The following PRKCB variants were observed in gnomAD, a reference collection of about 807,000 sequenced individuals.
PRKCB encodes protein kinase C beta type.
A neutral mutation model predicts 81.5 loss-of-function variants in PRKCB; 13 were observed. That is an observed-to-expected ratio of 0.16 (90% CI 0.10 to 0.25). PRKCB has a LOEUF of 0.25. Ranked by LOEUF, PRKCB falls within the 10% of genes least tolerant of loss-of-function variation. The pLI is 1.00. For synonymous variants in PRKCB, 335 were observed against 321.4 expected (o/e 1.04, Z -0.45); for missense variants, 509 against 875.7 (o/e 0.58, Z 5.29).
Position 24,021,075 on chromosome 16 carries a change from CTTT to C in PRKCB, c.289-11060_289-11058del, listed in dbSNP as rs1567346876. ...CTTTCTTTCCCTCCCTCCCTCCCTT[CTTT>C]CTTTCTTTCTTTTTTTCTTTCTTTC... On this transcript the variant is annotated intron_variant, in intron 3 of 16. Transcript: ENST00000643927. Among the ~76,000 whole-genome samples the C allele has an allele frequency of 3.3e-3, 407 of 122,064 alleles. 11 individuals carry two copies. Among genetic ancestry groups the C allele is most frequent in the Non-Finnish European group, 5.0e-3 (282 of 56,118 alleles). The allele number at this position is 122,064 out of a possible 152,430, so 80.1% of individuals were successfully genotyped here. A position where few individuals can be genotyped will look rare whatever the true frequency, so the allele number is the denominator to read the frequency against.
rs1965359619 is a variant in PRKCB, at chr16:24,021,008, C to CTTTCTTTCTT, written c.289-11126_289-11117dup. 5.0e-5 allele frequency among the ~76,000 whole-genome samples: 7 copies of CTTTCTTTCTT among 141,374 alleles called. No individual in the cohort carries two copies. The South Asian group carries it at 9.3e-4, about 19-fold the overall frequency. 92.7% of individuals were successfully genotyped at this position (141,374 alleles called of 152,430 possible). On this transcript the variant is annotated intron_variant, in intron 3 of 16. Coordinates refer to ENST00000643927, the MANE Select transcript of PRKCB (RefSeq NM_002738.7). ...TCTTTCTTTCTTTCTTTCTTTCTTT[C>CTTTCTTTCTT]TTTCTTTCTTTCTTTCTTTCTTTCT...
chr16:24,093,284 A>C lies in PRKCB; in HGVS notation c.686+337A>C, dbSNP rs143073083. 1.5e-4 allele frequency among the ~76,000 whole-genome samples: 23 copies of C among 152,196 alleles called. 1 individual carries two copies. In the East Asian group the frequency reaches 4.4e-3, roughly 29 times the overall value. On this transcript the variant is annotated intron_variant, in intron 6 of 16. Transcript: ENST00000643927. The stretch of plus-strand genomic sequence containing the variant: ...GGGGCTCAGCAAATAGGGGAACATA[A>C]CCTACAGGGTGTGGTGACAGCCTCT...
rs940798739 is a variant in PRKCB, at chr16:24,031,954, C to T, written c.289-182C>T. On this transcript the variant is annotated intron_variant, in intron 3 of 16. Coordinates refer to ENST00000643927, the MANE Select transcript of PRKCB (RefSeq NM_002738.7). ...CATCTGTCTTTGTCCTTCATTCCTT[C>T]CACAACTATTTATCCAGCACCGTTT... 7.7e-6 allele frequency: 4 copies of T among 521,982 alleles called. No homozygotes were observed. In the African/African-American group the frequency reaches 7.8e-5, roughly 10 times the overall value. The allele number at this position is 521,982 out of a possible 1,614,324, so 32.3% of individuals were successfully genotyped here. A position where few individuals can be genotyped will look rare whatever the true frequency, so the allele number is the denominator to read the frequency against.
At chr16:23,976,329 A>C (rs1252915831) in intron 2 of PRKCB, among the ~76,000 whole-genome samples, 1 of 151,966 alleles carries the variant, frequency 6.6e-6, no homozygotes, top group Non-Finnish European at 1.5e-5. Flanking sequence ...CCCCCCAAAA[A>C]CGGATGGCAG....
intron 10 of PRKCB, among the ~76,000 whole-genome samples, chr16:24,166,087 A>C (rs2141961541): frequency 6.6e-6 from 1 of 151,878 alleles, no homozygotes; most frequent in East Asian, 1.9e-4. Flanking sequence ...GGGTTTCTCC[A>C]TGTTGGCCAG....
chr16:24,133,817 G>A (rs1034564412), intron 9 of PRKCB, among the ~76,000 whole-genome samples: 3 of 152,250 alleles, frequency 2.0e-5, no homozygotes, highest in Admixed American at 6.5e-5. Context: ...GACCTTGAAA[G>A]CTGGTTTTGT....
intron 15 of PRKCB, among the ~76,000 whole-genome samples, chr16:24,189,161 A>C (rs1967749846): frequency 6.6e-6 from 1 of 152,172 alleles, no homozygotes; most frequent in Non-Finnish European, 1.5e-5. Context: ...TAAAAGCCCA[A>C]GTTTTAGAGC....
intron 7 of PRKCB, among the ~76,000 whole-genome samples, chr16:24,108,963 G>C (rs1480759296): frequency 1.9e-4 from 21 of 108,532 alleles, no homozygotes; most frequent in African/African-American, 8.4e-4. Flanking sequence ...CCGGATGGGG[G>C]GGCTGGCCGG....
chr16:23,954,507 G>A (rs1241908088), intron 2 of PRKCB, among the ~76,000 whole-genome samples: 6 of 152,208 alleles, frequency 3.9e-5, no homozygotes, highest in Non-Finnish European at 5.9e-5. Flanking sequence ...TGAGCTTACT[G>A]GCTCCATTTA....
intron 5 of PRKCB, among the ~76,000 whole-genome samples, chr16:24,050,304 T>G (rs965063450): frequency 1.3e-5 from 2 of 152,160 alleles, no homozygotes; most frequent in Non-Finnish European, 2.9e-5. Context: ...CCGGAACTCT[T>G]CCTAGACAAC....
Position 24,216,924 on chromosome 16 carries a change from C to T in PRKCB, c.*2108C>T, listed in dbSNP as rs558621953. 1.0e-6 allele frequency: 1 copy of T among 985,434 alleles called. No homozygotes were observed. The highest frequency in any genetic ancestry group is 1.7e-5 in the African/African-American group (1 of 57,340). 61.0% of individuals were successfully genotyped at this position (985,434 alleles called of 1,614,324 possible). A position where few individuals can be genotyped will look rare whatever the true frequency, so the allele number is the denominator to read the frequency against. On this transcript the variant is annotated 3_prime_UTR_variant, in exon 17 of 17. Transcript: ENST00000643927. ...TTCTGCTCTGTAGCAAGGCAGCAGA[C>T]ATCTCTGAGCCAGGCCCACCAACAG... is the stretch of plus-strand genomic sequence containing the variant.
intron 10 of PRKCB, among the ~76,000 whole-genome samples, chr16:24,162,158 A>G (rs1967266634): frequency 6.6e-6 from 1 of 152,172 alleles, no homozygotes; most frequent in Non-Finnish European, 1.5e-5. Context: ...ACGTCAATTC[A>G]GAATGCAAGA....
intron 2 of PRKCB, among the ~76,000 whole-genome samples, chr16:23,852,098 A>T (rs770381304): frequency 2.0e-5 from 3 of 152,130 alleles, no homozygotes; most frequent in Non-Finnish European, 4.4e-5. Context: ...TCCTATTAGG[A>T]TGCCTTTTAT....
At chr16:24,044,561 A>C (rs921351755) in intron 5 of PRKCB, among the ~76,000 whole-genome samples, 6 of 152,252 alleles carry the variant, frequency 3.9e-5, no homozygotes, top group African/African-American at 1.4e-4. Flanking sequence ...ATAACTAAAA[A>C]CAAAACACCA....
intron 3 of PRKCB, among the ~76,000 whole-genome samples, chr16:24,014,649 A>G (rs1965252945): frequency 6.6e-6 from 1 of 152,214 alleles, no homozygotes; most frequent in Admixed American, 6.5e-5. Context: ...ATTAATCTGT[A>G]CACATCTAGA....
chr16:23,871,304 T>C (rs1198139009), intron 2 of PRKCB, among the ~76,000 whole-genome samples: 1 of 152,192 alleles, frequency 6.6e-6, no homozygotes, highest in East Asian at 1.9e-4. Flanking sequence ...GGCTGAATCA[T>C]AGTCATCTTT....
intron 9 of PRKCB, chr16:24,151,976 C>T: frequency 2.2e-6 from 1 of 445,254 alleles, no homozygotes. Context: ...ACTGCATCTG[C>T]ACTGAAGGTG....
intron 16 of PRKCB, among the ~76,000 whole-genome samples, chr16:24,200,499 G>A (rs768072841): frequency 1.3e-5 from 2 of 152,160 alleles, no homozygotes; most frequent in Non-Finnish European, 2.9e-5. Flanking sequence ...CTTAGTCCAT[G>A]TTGTGTTGCT....
chr16:23,857,372 G>A (rs1962586788), intron 2 of PRKCB, among the ~76,000 whole-genome samples: 1 of 152,148 alleles, frequency 6.6e-6, no homozygotes, highest in African/African-American at 2.4e-5. Flanking sequence ...GGAGGGAGGA[G>A]GAGGTGTTTA....
Sources: allele counts gnomAD v4.1 joint callset (sites outside exome capture counted in the v4.1 genomes callset), GRCh38; gene constraint gnomAD v4.1.1; transcripts MANE v1.5; gene names NCBI Gene and HGNC (gene_info 2026-07-23, HGNC 2026-07-21).